The following VPS41 variants were observed in gnomAD, a reference collection of about 807,000 sequenced individuals.
The protein encoded by VPS41 is VPS41 subunit of HOPS complex, also known as vacuolar protein sorting-associated protein 41 homolog.
A neutral mutation model predicts 130.9 loss-of-function variants in VPS41; 85 were observed. The ratio of observed to expected loss-of-function variants is 0.65; its 90% confidence interval spans 0.55 to 0.78. The LOEUF is 0.78. Among genes scored for constraint, VPS41 ranks in the 30% least tolerant of loss-of-function variants. VPS41 has a pLI of 0.00. For synonymous variants in VPS41, 335 were observed against 332.9 expected, an observed-to-expected ratio of 1.01 and a Z score of -0.07; for missense variants, 874 against 1,018.7, an observed-to-expected ratio of 0.86 and a Z score of 1.93.
intron 4 of VPS41, among the ~76,000 whole-genome samples, chr7:38,839,821 T>C (rs1785572409): frequency 6.6e-6 from 1 of 152,218 alleles, no homozygotes; most frequent in Admixed American, 6.5e-5. Flanking sequence ...TCTCCAGCAC[T>C]AAACCCTTCT....
intron 2 of VPS41, among the ~76,000 whole-genome samples, chr7:38,881,693 G>C (rs1273975977): frequency 1.3e-5 from 2 of 152,176 alleles, no homozygotes; most frequent in African/African-American, 2.4e-5. Flanking sequence ...GGTTGAGTCA[G>C]GAGGCGAGGA....
chr7:38,766,147 C>A (rs1234781516), intron 15 of VPS41, among the ~76,000 whole-genome samples: 7 of 152,170 alleles, frequency 4.6e-5, no homozygotes, highest in Non-Finnish European at 7.3e-5. Context: ...TGAATGAAAC[C>A]TTACTTTACA....
intron 22 of VPS41, chr7:38,745,864 A>G (rs1795975855): frequency 7.4e-6 from 3 of 405,016 alleles, no homozygotes; most frequent in Non-Finnish European, 8.7e-6. Context: ...CAAGAGTAGA[A>G]AACAAGACAC....
intron 10 of VPS41, among the ~76,000 whole-genome samples, chr7:38,778,368 G>A (rs1358171289): frequency 6.6e-6 from 1 of 152,304 alleles, no homozygotes. Flanking sequence ...ACCAGGCTGC[G>A]GAAGGTTCTA....
At chr7:38,867,402 A>C (rs1283821853) in intron 3 of VPS41, among the ~76,000 whole-genome samples, 1 of 151,970 alleles carries the variant, frequency 6.6e-6, no homozygotes, top group Non-Finnish European at 1.5e-5. Flanking sequence ...AAAATTTGCC[A>C]GGTGTGGTGG....
At chr7:38,849,013 T>A (rs758031658) in intron 4 of VPS41, among the ~76,000 whole-genome samples, 10 of 152,146 alleles carry the variant, frequency 6.6e-5, no homozygotes, top group Non-Finnish European at 1.5e-4. Flanking sequence ...TGTCACAATA[T>A]CAAGGAATAA....
At chr7:38,764,115 G>A (rs1261657059) in intron 16 of VPS41, among the ~76,000 whole-genome samples, 1 of 152,194 alleles carries the variant, frequency 6.6e-6, no homozygotes. Context: ...TCCCCAAGGA[G>A]CTCACAAGTC....
chr7:38,892,031 TTAAC>T (rs1429275161), intron 2 of VPS41, among the ~76,000 whole-genome samples: 4 of 152,016 alleles, frequency 2.6e-5, no homozygotes, highest in South Asian at 2.1e-4. Flanking sequence ...TATATATAAA[TTAAC>T]TATTCTCTAT....
chr7:38,759,819 G>C lies in VPS41; in HGVS notation c.1423-1338C>G, dbSNP rs77714491. ...AGTCCTCTAATGCACTTAGGCCTGG[G>C]CTGCTGGGTGCAACTGGTTATGCAG... On this transcript the variant is annotated intron_variant, in intron 17 of 28. Transcript: ENST00000310301. Among the ~76,000 whole-genome samples, 10 of 152,132 alleles carry C rather than the reference G, an allele frequency of 6.6e-5. No individual in the cohort carries two copies. The East Asian group carries it at 1.9e-3, about 29-fold the overall frequency.
chr7:38,810,200 A>G (rs1243203641), intron 7 of VPS41, among the ~76,000 whole-genome samples: 1 of 151,908 alleles, frequency 6.6e-6, no homozygotes, highest in African/African-American at 2.4e-5. Flanking sequence ...TATGGCATTC[A>G]ACTACTAAGA....
At chr7:38,792,110 C>T in intron 9 of VPS41, among the ~76,000 whole-genome samples, 1 of 152,184 alleles carries the variant, frequency 6.6e-6, no homozygotes, top group South Asian at 2.1e-4. Context: ...ATGCATTGCA[C>T]TACTGGTAGC....
At chr7:38,759,882 T>G (rs1404879311) in intron 17 of VPS41, among the ~76,000 whole-genome samples, 1 of 152,170 alleles carries the variant, frequency 6.6e-6, no homozygotes, top group Non-Finnish European at 1.5e-5. Flanking sequence ...ACCGTGGCAG[T>G]CTGCTTGGGA....
chr7:38,727,202 C>A, intron 27 of VPS41: 1 of 369,132 alleles, frequency 2.7e-6, no homozygotes, highest in Non-Finnish European at 4.8e-6. Flanking sequence ...AGGTTACTTG[C>A]TTAGCCTCTG....
chr7:38,827,624 G>A (rs1294751010), intron 5 of VPS41, among the ~76,000 whole-genome samples: 1 of 152,170 alleles, frequency 6.6e-6, no homozygotes, highest in Non-Finnish European at 1.5e-5. Flanking sequence ...GGGAGAGGGA[G>A]GCACTGCCAG....
rs765598084 is a variant in VPS41 at position 38,796,866 on chromosome 7, T to C, written c.451-2A>G. ...CCAAGACCGTTCAAACAGTAGCAGC[T>C]AGGGACAAAAAGCATAAACAAAGAA... On this transcript the variant is annotated splice_acceptor_variant, in intron 7 of 28. Coordinates refer to ENST00000310301, the MANE Select transcript of VPS41 (RefSeq NM_014396.4). LOFTEE classifies it high-confidence loss of function. 3 of 1,613,800 alleles carry C rather than the reference T, an allele frequency of 1.9e-6. No individual in the cohort carries two copies. Among genetic ancestry groups the C allele is most frequent in the Non-Finnish European group, 2.5e-6 (3 of 1,179,774 alleles).
rs2893566 is a variant in VPS41 at position 38,825,109 on chromosome 7, A to C, written c.322-3844T>G. Among the ~76,000 whole-genome samples, 69 of 152,368 alleles carry C rather than the reference A, an allele frequency of 4.5e-4. 1 individual carries two copies. The highest frequency in any genetic ancestry group is 3.8e-3 in the Admixed American group (58 of 15,304). ...GCACCGATACACATCACTATCCTTA[A>C]GAATTCGCCAGAAGCAAAAATGTCA... On this transcript the variant is annotated intron_variant, in intron 5 of 28. Transcript: ENST00000310301.
intron 17 of VPS41, among the ~76,000 whole-genome samples, chr7:38,762,857 A>G (rs1410163566): frequency 7.2e-5 from 11 of 152,306 alleles, no homozygotes; most frequent in South Asian, 4.1e-4. Context: ...AACATCTACA[A>G]TCTCTAAGGT....
chr7:38,884,150 G>A (rs1786671023), intron 2 of VPS41, among the ~76,000 whole-genome samples: 1 of 152,168 alleles, frequency 6.6e-6, no homozygotes, highest in South Asian at 2.1e-4. Context: ...CACCAAGTGA[G>A]ATAAATAAAT....
At chr7:38,887,408 C>T (rs1236861431) in intron 2 of VPS41, among the ~76,000 whole-genome samples, 1 of 152,046 alleles carries the variant, frequency 6.6e-6, no homozygotes, top group Non-Finnish European at 1.5e-5. Context: ...CCAATTCGAT[C>T]GGCTGGAAGA....
Sources: gnomAD v4.1 joint callset for allele counts (sites outside exome capture counted in the v4.1 genomes callset) on GRCh38, gnomAD v4.1.1 for gene constraint, MANE v1.5 for transcripts, NCBI Gene and HGNC (gene_info 2026-07-23, HGNC 2026-07-21) for gene names.